Variants in ADAMTS12 observed in about 807,000 individuals in gnomAD.
ADAMTS12 encodes the protein A disintegrin and metalloproteinase with thrombospondin motifs 12.
In ADAMTS12, 118 loss-of-function variants were observed where a neutral mutation model predicts 167.8. The ratio of observed to expected loss-of-function variants is 0.70; its 90% CI spans 0.61 to 0.82. ADAMTS12 has a LOEUF of 0.82. ADAMTS12 is among the 40% of genes least tolerant of loss of function. ADAMTS12 has a pLI of 0.00. For synonymous variants in ADAMTS12, 704 were observed against 716.9 expected, an observed-to-expected ratio of 0.98 and a Z score of 0.29; for missense variants, 1,916 against 1,998.8, an observed-to-expected ratio of 0.96 and a Z score of 0.79.
intron 3 of ADAMTS12, 100 bp downstream of exon 3, chr5:33,751,304 G>T: frequency 7.0e-7 from 1 of 1,430,354 alleles, no homozygotes; most frequent in Non-Finnish European, 9.8e-7. Flanking sequence ...AGAATACAGA[G>T]GAGATAAGAG....
At chr5:33,720,158 T>A (rs1015215854) in intron 3 of ADAMTS12, among the ~76,000 whole-genome samples, 7 of 152,080 alleles carry the variant, frequency 4.6e-5, no homozygotes, top group African/African-American at 7.2e-5. Flanking sequence ...CAATTCTCAT[T>A]CCACTGGACA....
intron 2 of ADAMTS12, among the ~76,000 whole-genome samples, chr5:33,802,066 C>T (rs1747033176): frequency 6.6e-6 from 1 of 152,176 alleles, no homozygotes; most frequent in South Asian, 2.1e-4. Flanking sequence ...TCCCATTCTA[C>T]CATGTAAGGT....
intron 12 of ADAMTS12, among the ~76,000 whole-genome samples, chr5:33,636,523 A>C (rs1210687560): frequency 1.3e-5 from 2 of 152,190 alleles, no homozygotes. Context: ...GCCCTTGACA[A>C]CTAAGAGCAT....
intron 3 of ADAMTS12, among the ~76,000 whole-genome samples, chr5:33,714,497 C>A (rs1743527070): frequency 1.3e-5 from 2 of 152,036 alleles, no homozygotes; most frequent in African/African-American, 4.8e-5. Context: ...GATGCCTGCA[C>A]CCCATGTCTA....
intron 2 of ADAMTS12, among the ~76,000 whole-genome samples, chr5:33,832,933 T>C (rs1031946538): frequency 6.9e-6 from 1 of 145,550 alleles, no homozygotes; most frequent in African/African-American, 2.7e-5. Flanking sequence ...ACTTGCTTAT[T>C]CCTCTATCTT....
intron 22 of ADAMTS12, among the ~76,000 whole-genome samples, chr5:33,536,558 T>C (rs1229227233): frequency 6.6e-6 from 1 of 152,202 alleles, no homozygotes; most frequent in African/African-American, 2.4e-5. Context: ...CAAATGTATA[T>C]GTTCAATCCA....
chr5:33,726,341 G>A (rs1234493576), intron 3 of ADAMTS12, among the ~76,000 whole-genome samples: 5 of 152,194 alleles, frequency 3.3e-5, no homozygotes, highest in South Asian at 2.1e-4. Context: ...AAAAAGCTCC[G>A]TGGCTGACGC....
chr5:33,672,058 C>G (rs1269879436), intron 5 of ADAMTS12, among the ~76,000 whole-genome samples: 1 of 144,938 alleles, frequency 6.9e-6, no homozygotes, highest in African/African-American at 2.7e-5. Flanking sequence ...CATACACACT[C>G]ACATACATAC....
intron 2 of ADAMTS12, among the ~76,000 whole-genome samples, chr5:33,807,828 G>C (rs1205498708): frequency 1.3e-5 from 2 of 152,178 alleles, no homozygotes; most frequent in South Asian, 2.1e-4. Context: ...AAAGTTAATA[G>C]GCAAAAAGAA....
At chr5:33,793,876 C>T (rs1746671601) in intron 2 of ADAMTS12, among the ~76,000 whole-genome samples, 1 of 152,120 alleles carries the variant, frequency 6.6e-6, no homozygotes, top group African/African-American at 2.4e-5. Flanking sequence ...TTTAGTTCTT[C>T]CCCCCTCCCC....
At chr5:33,844,761 G>GA (rs1748880996) in intron 2 of ADAMTS12, among the ~76,000 whole-genome samples, 1 of 152,086 alleles carries the variant, frequency 6.6e-6, no homozygotes, top group Non-Finnish European at 1.5e-5. Flanking sequence ...CCTTCCCTTT[G>GA]AAAATCACTA....
intron 2 of ADAMTS12, among the ~76,000 whole-genome samples, chr5:33,762,592 G>A (rs189709221): frequency 6.6e-6 from 1 of 152,202 alleles, no homozygotes; most frequent in East Asian, 1.9e-4. Context: ...TACAGAGAAA[G>A]GGGTGACCTG....
intron 2 of ADAMTS12, among the ~76,000 whole-genome samples, chr5:33,832,064 C>G (rs6870893): frequency 0.24 from 36,412 of 152,216 alleles, 7,789 homozygotes; most frequent in African/African-American, 0.56. Context: ...TTCAGGTTCA[C>G]ACTTCAAGTG....
At chr5:33,875,882 A>G (rs1750208276) in intron 2 of ADAMTS12, among the ~76,000 whole-genome samples, 1 of 152,228 alleles carries the variant, frequency 6.6e-6, no homozygotes, top group Admixed American at 6.5e-5. Flanking sequence ...CCATTGGCAA[A>G]TGACATTATT....
At chr5:33,593,297 AG>A (rs1747739133) in intron 17 of ADAMTS12, among the ~76,000 whole-genome samples, 1 of 152,182 alleles carries the variant, frequency 6.6e-6, no homozygotes, top group Admixed American at 6.5e-5. Context: ...TTCTGGTTCT[AG>A]TACTGAAACC....
chr5:33,683,907 G>T lies in ADAMTS12; in HGVS notation c.783C>A (p.Tyr261Ter). 2 of 1,602,684 alleles carry T rather than the reference G, an allele frequency of 1.2e-6. No homozygotes were observed. Among genetic ancestry groups the T allele is most frequent in the Non-Finnish European group, 1.7e-6 (2 of 1,174,648 alleles). The change falls in exon 4 of 24, where the codon TAC becomes TAA. Residue 261 changes from tyrosine to a stop codon, truncating the protein, a stop_gained. Coordinates refer to ENST00000504830, the MANE Select transcript of ADAMTS12 (RefSeq NM_030955.4). LOFTEE classifies it high-confidence loss of function. ...LVVADTKMIE[Y>*]HGSENVESYI... Reference sequence around the variant, plus strand: ...AGGACTCCACATTCTCACTCCCATGGTATTCAATCATCTTTGTGTCGGCCA... The same window carrying T: ...AGGACTCCACATTCTCACTCCCATGTTATTCAATCATCTTTGTGTCGGCCA...
intron 2 of ADAMTS12, among the ~76,000 whole-genome samples, chr5:33,854,098 T>C (rs2910631): frequency 1.2e-3 from 185 of 152,274 alleles, no homozygotes; most frequent in African/African-American, 4.2e-3. Context: ...AAATCAGTCA[T>C]CTTATACTGA....
At chr5:33,685,422 T>C (rs1278271655) in intron 3 of ADAMTS12, among the ~76,000 whole-genome samples, 1 of 152,172 alleles carries the variant, frequency 6.6e-6, no homozygotes, top group Non-Finnish European at 1.5e-5. Context: ...AGACCCTGAG[T>C]TGGGACAACT....
chr5:33,743,182 T>C (rs1346505163), intron 3 of ADAMTS12, among the ~76,000 whole-genome samples: 1 of 148,346 alleles, frequency 6.7e-6, no homozygotes. Flanking sequence ...AAGGGGAGAG[T>C]GGTGGGAGAT....
Sources: allele counts gnomAD v4.1 joint callset (sites outside exome capture counted in the v4.1 genomes callset), GRCh38; gene constraint gnomAD v4.1.1; transcripts MANE v1.5; gene names NCBI Gene and HGNC (gene_info 2026-07-23, HGNC 2026-07-21).